Variants in OSBPL1A observed in about 807,000 individuals in gnomAD.
OSBPL1A encodes the protein oxysterol binding protein like 1A.
Under a neutral mutation model 137.1 loss-of-function variants are expected in OSBPL1A, and 80 were observed. That is an observed-to-expected ratio of 0.58 (90% CI 0.49 to 0.70). The LOEUF (loss-of-function observed/expected upper bound fraction) is 0.70. Ranked by LOEUF, OSBPL1A falls within the 30% of genes least tolerant of loss-of-function variation. The probability of loss-of-function intolerance (pLI) is 0.00; values close to 1 mark genes in which losing one functional copy is unlikely to be tolerated. For synonymous variants in OSBPL1A, 365 were observed against 389.7 expected, an observed-to-expected ratio of 0.94 and a Z score of 0.75; for missense variants, 970 against 1,129.4, an observed-to-expected ratio of 0.86 and a Z score of 2.02.
intron 18 of OSBPL1A, among the ~76,000 whole-genome samples, chr18:24,195,405 T>C (rs1347976178): frequency 6.6e-6 from 1 of 152,188 alleles, no homozygotes; most frequent in African/African-American, 2.4e-5. Context: ...GAAGTGTGCA[T>C]GAGGTGACTG....
intron 27 of OSBPL1A, among the ~76,000 whole-genome samples, chr18:24,163,564 C>T (rs141573511): frequency 2.0e-3 from 299 of 152,192 alleles, no homozygotes; most frequent in African/African-American, 6.9e-3. Context: ...TAGGTTGGCT[C>T]GAAACAATGT....
intron 15 of OSBPL1A, among the ~76,000 whole-genome samples, chr18:24,245,481 C>T (rs2088854886): frequency 6.6e-6 from 1 of 152,184 alleles, no homozygotes. Flanking sequence ...CTGCTGTTGA[C>T]ACACAGCTGA....
At chr18:24,290,494 G>A (rs111571108) in intron 14 of OSBPL1A, among the ~76,000 whole-genome samples, 14,330 of 152,006 alleles carry the variant, frequency 0.094, 860 homozygotes, top group South Asian at 0.16. Flanking sequence ...CAGCCTGGGC[G>A]ACACGATAAA....
At chr18:24,265,414 C>T (rs768651824) in intron 15 of OSBPL1A, among the ~76,000 whole-genome samples, 5 of 151,996 alleles carry the variant, frequency 3.3e-5, no homozygotes, top group South Asian at 2.1e-4. Flanking sequence ...TGGGAGGCAG[C>T]GGTTTCAGTG....
chr18:24,286,549 T>C (rs1303346428), intron 14 of OSBPL1A, among the ~76,000 whole-genome samples: 1 of 152,206 alleles, frequency 6.6e-6, no homozygotes, highest in African/African-American at 2.4e-5. Flanking sequence ...TTGTGAGACA[T>C]AACTAGCAAG....
At chr18:24,368,496 G>A (rs1035919588) in intron 2 of OSBPL1A, 124 bp from the exon 3 acceptor site, 2 of 700,890 alleles carry the variant, frequency 2.9e-6, no homozygotes, top group African/African-American at 1.8e-5. Flanking sequence ...TAAGTGAGAG[G>A]CAAGATATGT....
chr18:24,192,369 G>T (rs909818457), intron 18 of OSBPL1A, among the ~76,000 whole-genome samples: 7 of 152,176 alleles, frequency 4.6e-5, no homozygotes, highest in Non-Finnish European at 8.8e-5. Flanking sequence ...CAAGCAGAAA[G>T]AAATAAGCAA....
At chr18:24,248,276 C>T (rs923588922) in intron 15 of OSBPL1A, among the ~76,000 whole-genome samples, 2 of 152,208 alleles carry the variant, frequency 1.3e-5, no homozygotes, top group African/African-American at 4.8e-5. Context: ...TAAGAAGCCT[C>T]TAGTCTCTTG....
chr18:24,334,435 T>A, intron 5 of OSBPL1A, 105 bp from the exon 6 acceptor site: 1 of 708,168 alleles, frequency 1.4e-6, no homozygotes, highest in Non-Finnish European at 2.2e-6. Context: ...ATGTTTTGGA[T>A]TGTAATTCAA....
chr18:24,281,610 C>G (rs2089959795), intron 14 of OSBPL1A, among the ~76,000 whole-genome samples: 1 of 151,946 alleles, frequency 6.6e-6, no homozygotes, highest in Non-Finnish European at 1.5e-5. Flanking sequence ...AGGCTGGTCT[C>G]AAACTCCTGA....
chr18:24,210,723 A>T (rs1019948329), intron 17 of OSBPL1A, among the ~76,000 whole-genome samples: 28 of 151,904 alleles, frequency 1.8e-4, no homozygotes, highest in African/African-American at 6.0e-4. Context: ...TTTTTTAGCA[A>T]TGGGGTCTCC....
chr18:24,167,183 G>A, intron 25 of OSBPL1A, 146 bp downstream of exon 25: 2 of 701,684 alleles, frequency 2.9e-6, no homozygotes, highest in Non-Finnish European at 5.0e-6. Flanking sequence ...GCTCAGGCAA[G>A]AAGGGAGCAC....
intron 17 of OSBPL1A, among the ~76,000 whole-genome samples, chr18:24,224,165 A>T (rs958079889): frequency 7.2e-5 from 11 of 152,214 alleles, no homozygotes; most frequent in African/African-American, 2.4e-4. Context: ...TTTGTTAACA[A>T]AGGGAAAATA....
intron 17 of OSBPL1A, among the ~76,000 whole-genome samples, chr18:24,199,643 C>T: frequency 6.6e-6 from 1 of 152,160 alleles, no homozygotes; most frequent in East Asian, 1.9e-4. Flanking sequence ...GACATTACCT[C>T]TTTTGTAAAG....
intron 16 of OSBPL1A, among the ~76,000 whole-genome samples, chr18:24,238,838 T>C (rs544201454): frequency 4.9e-4 from 74 of 152,364 alleles, no homozygotes; most frequent in Non-Finnish European, 5.1e-4. Context: ...ACCTGTATTC[T>C]TTATATAAAG....
At chr18:24,292,834 A>G (rs546526343) in intron 14 of OSBPL1A, among the ~76,000 whole-genome samples, 142 of 152,182 alleles carry the variant, frequency 9.3e-4, no homozygotes, top group Non-Finnish European at 1.9e-3. Context: ...GTCTGGGCAC[A>G]GTGGCTCACG....
At chr18:24,256,042 G>A (rs1036164768) in intron 15 of OSBPL1A, among the ~76,000 whole-genome samples, 4 of 152,074 alleles carry the variant, frequency 2.6e-5, no homozygotes, top group Admixed American at 1.3e-4. Context: ...TGACCCGCCC[G>A]CCTCAGCCTC....
chr18:24,320,001 T>G (rs1056529870), intron 7 of OSBPL1A, among the ~76,000 whole-genome samples: 3 of 146,568 alleles, frequency 2.0e-5, no homozygotes, highest in African/African-American at 5.0e-5. Flanking sequence ...AAAAAAAAAT[T>G]TAATTAGCCA....
At chr18:24,200,315 A>G (rs1304091632) in intron 17 of OSBPL1A, among the ~76,000 whole-genome samples, 1 of 152,120 alleles carries the variant, frequency 6.6e-6, no homozygotes, top group Non-Finnish European at 1.5e-5. Context: ...TGTAATCCCA[A>G]CACTTTGGGA....
Sources: gnomAD v4.1 joint callset for allele counts (sites outside exome capture counted in the v4.1 genomes callset) on GRCh38, gnomAD v4.1.1 for gene constraint, MANE v1.5 for transcripts, NCBI Gene and HGNC (gene_info 2026-07-23, HGNC 2026-07-21) for gene names.